The following CAPS2 variants were observed in gnomAD, a reference collection of about 807,000 sequenced individuals.
The protein encoded by CAPS2 is calcyphosine 2, also known as calcyphosin-2.
In CAPS2, 98 loss-of-function variants were observed where a neutral mutation model predicts 86.5. That is an observed-to-expected ratio of 1.13 (90% CI 0.96 to 1.34). The LOEUF (loss-of-function observed/expected upper bound fraction) is 1.34. Ranked by LOEUF, CAPS2 falls within the 40% of genes most tolerant of loss-of-function variation. The pLI is 0.00. For missense variants in CAPS2, 729 were observed against 686.8 expected, an observed-to-expected ratio of 1.06 and a Z score of -0.69; for synonymous variants, 210 against 225.1, an observed-to-expected ratio of 0.93 and a Z score of 0.60.
At chr12:75,307,811 T>C (rs1240123967) in intron 7 of CAPS2, among the ~76,000 whole-genome samples, 6 of 152,152 alleles carry the variant, frequency 3.9e-5, no homozygotes, top group Admixed American at 3.9e-4. Flanking sequence ...GAAAGATCTA[T>C]AGTAACTGAA....
At chr12:75,383,827 C>A (rs1010947995) in intron 1 of CAPS2, among the ~76,000 whole-genome samples, 1 of 152,122 alleles carries the variant, frequency 6.6e-6, no homozygotes, top group Non-Finnish European at 1.5e-5. Context: ...GTAATGCCTG[C>A]TCTCAGACCA....
chr12:75,369,671 G>A (rs1438001214), intron 1 of CAPS2: 1 of 984,862 alleles, frequency 1.0e-6, no homozygotes. Flanking sequence ...GGGAATGAAA[G>A]AGTGGGAAAA....
At position 75,282,396 on chromosome 12, in the gene CAPS2, C is replaced by A. The variant is rs1446800527; in HGVS notation, c.1516-49G>T. Reference sequence around the variant, plus strand: ...ATTAGTTTGTTGGTTGGTTGTTTTGCTTTGCTTTGAGACAGAGTCTCGCTC... The same window carrying A: ...ATTAGTTTGTTGGTTGGTTGTTTTGATTTGCTTTGAGACAGAGTCTCGCTC... On this transcript the variant is annotated intron_variant, in intron 15 of 16. Coordinates refer to ENST00000393284, the Ensembl canonical transcript of CAPS2. 2.4e-6 allele frequency: 3 copies of A among 1,266,936 alleles called. No individual in the cohort carries two copies. The South Asian group carries it at 3.6e-5, about 15-fold the overall frequency. 78.5% of individuals were successfully genotyped at this position (1,266,936 alleles called of 1,614,324 possible).
chr12:75,389,681 A>T (rs928596803), intron 1 of CAPS2, among the ~76,000 whole-genome samples: 9 of 152,170 alleles, frequency 5.9e-5, no homozygotes, highest in African/African-American at 2.2e-4. Context: ...GGCACATTAC[A>T]TGCTTTTCCC....
intron 1 of CAPS2, chr12:75,390,805 A>C: frequency 1.8e-6 from 1 of 567,972 alleles, no homozygotes; most frequent in Non-Finnish European, 3.5e-6. Context: ...ATAACATTTC[A>C]CTACATTAGT....
intron 1 of CAPS2, chr12:75,347,580 A>C: frequency 7.8e-7 from 1 of 1,276,594 alleles, no homozygotes; most frequent in East Asian, 2.3e-5. Flanking sequence ...TTTGCATAGA[A>C]TTGTTTTCCA....
At chr12:75,349,365 T>C (rs886944295) in intron 1 of CAPS2, among the ~76,000 whole-genome samples, 4 of 152,058 alleles carry the variant, frequency 2.6e-5, no homozygotes, top group African/African-American at 9.7e-5. Context: ...AACATAACTT[T>C]AACAACAACA....
At chr12:75,343,339 A>G (rs2042240467) in intron 1 of CAPS2, among the ~76,000 whole-genome samples, 1 of 151,954 alleles carries the variant, frequency 6.6e-6, no homozygotes, top group Non-Finnish European at 1.5e-5. Context: ...TTAATTATCA[A>G]TGAGTATTCA....
intron 11 of CAPS2, among the ~76,000 whole-genome samples, chr12:75,294,600 G>GT (rs533597144): frequency 1.3e-5 from 2 of 152,050 alleles, no homozygotes; most frequent in African/African-American, 2.4e-5. Context: ...TGAAAAGTTT[G>GT]TTTTTTCCCC....
At chr12:75,385,128 T>C (rs2045221850) in intron 1 of CAPS2, among the ~76,000 whole-genome samples, 1 of 152,166 alleles carries the variant, frequency 6.6e-6, no homozygotes, top group African/African-American at 2.4e-5. Flanking sequence ...TGCAGAGAGT[T>C]CTCAACAGCA....
rs1289146352 is a variant in CAPS2 at position 75,316,447 on chromosome 12, G to T, written c.469-13C>A. 1 of 1,526,054 alleles carries T rather than the reference G, an allele frequency of 6.6e-7. No individual in the cohort carries two copies. Among genetic ancestry groups the T allele is most frequent in the Non-Finnish European group, 8.8e-7 (1 of 1,136,182 alleles). 94.5% of individuals were successfully genotyped at this position (1,526,054 alleles called of 1,614,324 possible). A position where few individuals can be genotyped will look rare whatever the true frequency, so the allele number is the denominator to read the frequency against. ...CATCTTGCACACACTATGCATGAAA[G>T]AAATAAATGAAGCATCATACACATA... is the stretch of plus-strand genomic sequence containing the variant. On this transcript the variant is annotated splice_polypyrimidine_tract_variant and intron_variant, in intron 5 of 16. Coordinates refer to ENST00000393284, the Ensembl canonical transcript of CAPS2.
intron 1 of CAPS2, chr12:75,369,422 A>G: frequency 1.6e-6 from 1 of 627,930 alleles, no homozygotes; most frequent in South Asian, 7.0e-5. Flanking sequence ...AGCTAGAATC[A>G]TGCTGAATAC....
chr12:75,284,493 C>T (rs1173304486), intron 15 of CAPS2, among the ~76,000 whole-genome samples: 2 of 152,052 alleles, frequency 1.3e-5, no homozygotes, highest in Admixed American at 6.6e-5. Context: ...CATGCATATT[C>T]TAAAGACCAG....
chr12:75,336,165 T>C (rs760761979), intron 1 of CAPS2, among the ~76,000 whole-genome samples: 1 of 151,908 alleles, frequency 6.6e-6, no homozygotes, highest in Non-Finnish European at 1.5e-5. Flanking sequence ...CGTGAGAAGT[T>C]AAGAATGCAT....
upstream of CAPS2, among the ~76,000 whole-genome samples, chr12:75,332,264 C>G (rs1164618979): frequency 6.6e-6 from 1 of 152,170 alleles, no homozygotes; most frequent in Non-Finnish European, 1.5e-5. Flanking sequence ...ACCTTTATCC[C>G]TATTAACCTT....
At chr12:75,379,969 A>C (rs943452687) in intron 1 of CAPS2, among the ~76,000 whole-genome samples, 5 of 152,012 alleles carry the variant, frequency 3.3e-5, no homozygotes, top group Non-Finnish European at 7.4e-5. Context: ...TTCTCTAACA[A>C]ATGTGGAAGT....
intron 6 of CAPS2, among the ~76,000 whole-genome samples, chr12:75,313,877 T>C (rs1478132767): frequency 2.6e-5 from 4 of 152,204 alleles, no homozygotes; most frequent in African/African-American, 9.7e-5. Flanking sequence ...TCGGAAAAGT[T>C]GGGCACAATT....
intron 12 of CAPS2, 70 bp from the exon 13 acceptor site, chr12:75,291,890 C>T (rs1185607510): frequency 1.6e-6 from 1 of 623,414 alleles, no homozygotes; most frequent in Non-Finnish European, 2.6e-6. Flanking sequence ...TATAAAACCT[C>T]TAAGCTCTTC....
At chr12:75,304,675 T>C in intron 8 of CAPS2, 82 bp downstream of exon 8, 2 of 1,053,392 alleles carry the variant, frequency 1.9e-6, no homozygotes, top group Non-Finnish European at 2.6e-6. Context: ...ACACAAAAGC[T>C]CCAGCTAGAC....
Sources: allele counts gnomAD v4.1 joint callset (sites outside exome capture counted in the v4.1 genomes callset), GRCh38; gene constraint gnomAD v4.1.1; transcripts MANE v1.5; gene names NCBI Gene and HGNC (gene_info 2026-07-23, HGNC 2026-07-21).